CACNA1A: variants seen among roughly 807,000 people sequenced by gnomAD.
The protein encoded by CACNA1A is voltage-dependent P/Q-type calcium channel subunit alpha-1A.
Under a neutral mutation model 262.4 loss-of-function variants are expected in CACNA1A, and 57 were observed. The observed-to-expected ratio is 0.22, with a 90% CI of 0.18 to 0.27. CACNA1A has a LOEUF of 0.27. CACNA1A is among the 10% of genes least tolerant of loss of function. The pLI is 1.00. For missense variants in CACNA1A, 2,526 were observed against 3,562.8 expected (o/e 0.71, Z 7.41); for synonymous variants, 1,431 against 1,419.3 (o/e 1.01, Z -0.18).
chr19:13,284,811 G>A (rs1404148190), intron 21 of CACNA1A, among the ~76,000 whole-genome samples: 1 of 152,172 alleles, frequency 6.6e-6, no homozygotes. Context: ...GTTTATTTAT[G>A]ACAAATTTGT....
intron 3 of CACNA1A, among the ~76,000 whole-genome samples, chr19:13,421,432 C>G (rs2060314045): frequency 6.6e-6 from 1 of 152,010 alleles, no homozygotes; most frequent in Non-Finnish European, 1.5e-5. Flanking sequence ...GGAAGGAAAG[C>G]AGATAATTTA....
At chr19:13,439,319 A>C (rs1160930500) in intron 3 of CACNA1A, among the ~76,000 whole-genome samples, 2 of 151,528 alleles carry the variant, frequency 1.3e-5, no homozygotes, top group Non-Finnish European at 2.9e-5. Context: ...CATGTTAGCC[A>C]GGATGGTCTC....
chr19:13,214,346 A>G lies in CACNA1A; in HGVS notation c.5840-13T>C, dbSNP rs1454194155. ...GTGAGGTCCGTGGCTGGGGGCACACACACGGTGAGCTCACCAAGGGCAGGC... is the reference window on the plus strand; with the variant it reads ...GTGAGGTCCGTGGCTGGGGGCACACGCACGGTGAGCTCACCAAGGGCAGGC... On this transcript the variant is annotated splice_polypyrimidine_tract_variant and intron_variant, in intron 39 of 46. Transcript: ENST00000360228. This position sits in a 1 kb window ranked among gnomAD's most constrained non-coding sequence, Gnocchi z 4.1. The G allele has an allele frequency of 6.2e-7, 1 of 1,611,536 alleles. No individual in the cohort carries two copies. The highest frequency in any genetic ancestry group is 1.7e-5 in the Admixed American group (1 of 59,932).
At chr19:13,434,004 G>A (rs1250282089) in intron 3 of CACNA1A, among the ~76,000 whole-genome samples, 2 of 152,132 alleles carry the variant, frequency 1.3e-5, no homozygotes, top group African/African-American at 4.8e-5. Flanking sequence ...CCACTTCCTA[G>A]CCGTGTGGCT....
rs2057471036 is a variant in CACNA1A, at chr19:13,288,968, C to T, written c.3090-2002G>A. Among the ~76,000 whole-genome samples the T allele has an allele frequency of 3.9e-5, 6 of 152,080 alleles. 1 individual carries two copies. In the South Asian group the frequency reaches 1.2e-3, roughly 31 times the overall value. ...CAGACCAAAGTAGGTAAGTGGGATG[C>T]TTCTATGAATACTTCCCGGAAGGAG... is the stretch of plus-strand genomic sequence containing the variant. On this transcript the variant is annotated intron_variant, in intron 19 of 46. Transcript: ENST00000360228.
intron 30 of CACNA1A, among the ~76,000 whole-genome samples, chr19:13,252,091 G>A (rs1007831552): frequency 3.4e-5 from 5 of 149,032 alleles, no homozygotes; most frequent in African/African-American, 1.2e-4. Context: ...TAAAGATGGA[G>A]TCTTGCTGTT....
chr19:13,249,725 T>C (rs2056346272), intron 30 of CACNA1A, among the ~76,000 whole-genome samples: 2 of 152,060 alleles, frequency 1.3e-5, no homozygotes, highest in South Asian at 4.1e-4. Context: ...GTTAGTCCAT[T>C]TGCTGTTTAC....
chr19:13,404,554 T>C lies in CACNA1A; in HGVS notation c.540-32775A>G, dbSNP rs151091847. On this transcript the variant is annotated intron_variant, in intron 3 of 46. Coordinates refer to ENST00000360228, the MANE Select transcript of CACNA1A (RefSeq NM_001127222.2). ...AAGTGGCAAGTGGCCCAGGCTGCCC[T>C]GAACAGGACAGAAAATGGTTCAGAG... 7.0e-3 allele frequency among the ~76,000 whole-genome samples: 1,059 copies of C among 152,170 alleles called. 5 individuals carry two copies. The highest frequency in any genetic ancestry group is 0.01 in the Non-Finnish European group (713 of 67,996).
intron 30 of CACNA1A, among the ~76,000 whole-genome samples, chr19:13,250,640 C>T (rs2056371613): frequency 6.6e-6 from 1 of 152,104 alleles, no homozygotes; most frequent in Non-Finnish European, 1.5e-5. Context: ...TCATGATCCA[C>T]CCACCTCTGT....
chr19:13,369,604 A>AC (rs1300057388), intron 4 of CACNA1A, among the ~76,000 whole-genome samples: 1 of 152,230 alleles, frequency 6.6e-6, no homozygotes, highest in Non-Finnish European at 1.5e-5. Flanking sequence ...GAGTTCACAC[A>AC]CAGTGAAGTA....
chr19:13,366,345 C>T (rs2059211329), intron 4 of CACNA1A: 1 of 152,042 alleles, frequency 6.6e-6, no homozygotes. Flanking sequence ...TGGTGCATGC[C>T]TGTAGTCCTA....
intron 15 of CACNA1A, among the ~76,000 whole-genome samples, chr19:13,306,047 G>A (rs544085911): frequency 1.5e-5 from 2 of 136,270 alleles, no homozygotes; most frequent in Admixed American, 7.7e-5. Flanking sequence ...GCAACAGAGC[G>A]AGACTCCATC....
chr19:13,376,590 G>GATATATAACACATAATATATGTT (rs1568585584), intron 3 of CACNA1A, among the ~76,000 whole-genome samples: 1 of 147,522 alleles, frequency 6.8e-6, no homozygotes, highest in African/African-American at 2.5e-5. Context: ...TAACATATGA[G>GATATATAACACATAATATATGTT]ATATATAACA....
At chr19:13,275,103 C>G (rs1412309242) in intron 24 of CACNA1A, 1 of 151,972 alleles carries the variant, frequency 6.6e-6, no homozygotes, top group Non-Finnish European at 1.5e-5. Context: ...AGCTTGGGGA[C>G]CATCCTGGAA....
chr19:13,265,390 C>T (rs2056836976), intron 24 of CACNA1A, among the ~76,000 whole-genome samples: 1 of 152,208 alleles, frequency 6.6e-6, no homozygotes. Context: ...TTCTTCACAC[C>T]ATTTGCTTTT....
At chr19:13,228,337 G>T (rs1219851242) in intron 36 of CACNA1A, among the ~76,000 whole-genome samples, 1 of 151,906 alleles carries the variant, frequency 6.6e-6, no homozygotes, top group African/African-American at 2.4e-5. Flanking sequence ...GGAGGTGAGG[G>T]GTGGAGGGGG....
intron 2 of CACNA1A, among the ~76,000 whole-genome samples, chr19:13,453,497 C>T (rs1393885496): frequency 5.3e-5 from 8 of 152,300 alleles, no homozygotes; most frequent in East Asian, 3.9e-4. Context: ...TCACATGCAG[C>T]GTTCAAGGTA....
At chr19:13,400,779 C>G (rs2059887242) in intron 3 of CACNA1A, among the ~76,000 whole-genome samples, 1 of 152,108 alleles carries the variant, frequency 6.6e-6, no homozygotes, top group East Asian at 1.9e-4. Flanking sequence ...AATGCAGCCC[C>G]CAAAGTCATC....
chr19:13,475,175 C>T (rs1978375557), intron 1 of CACNA1A, among the ~76,000 whole-genome samples: 1 of 152,176 alleles, frequency 6.6e-6, no homozygotes, highest in African/African-American at 2.4e-5. Flanking sequence ...TTCCTGGAGA[C>T]ACTGTGATTA....
Sources: gnomAD v4.1 joint callset for allele counts (sites outside exome capture counted in the v4.1 genomes callset) on GRCh38, gnomAD v4.1.1 for gene constraint, Gnocchi (gnomAD v3.1) non-coding constraint, MANE v1.5 for transcripts, NCBI Gene and HGNC (gene_info 2026-07-23, HGNC 2026-07-21) for gene names.